NTM: variants seen among roughly 807,000 people sequenced by gnomAD.
The protein encoded by NTM is neurotrimin.
A neutral mutation model predicts 42.1 loss-of-function variants in NTM; 13 were observed. That is an observed-to-expected ratio of 0.31 (90% CI 0.20 to 0.49). The LOEUF (loss-of-function observed/expected upper bound fraction) is 0.49. Ranked by LOEUF, NTM falls within the 20% of genes least tolerant of loss-of-function variation. The probability of loss-of-function intolerance (pLI) is 0.99; values close to 1 mark genes in which losing one functional copy is unlikely to be tolerated. For synonymous variants in NTM, 187 were observed against 179.2 expected (o/e 1.04, Z -0.35); for missense variants, 373 against 452.8 (o/e 0.82, Z 1.60).
intron 1 of NTM, among the ~76,000 whole-genome samples, chr11:131,679,146 C>T (rs897666295): frequency 1.9e-4 from 29 of 152,172 alleles, no homozygotes; most frequent in Admixed American, 6.5e-5. Context: ...GATCTGCTCA[C>T]AGATGGAAGT....
chr11:131,751,682 C>A (rs981694110), intron 1 of NTM, among the ~76,000 whole-genome samples: 1 of 152,026 alleles, frequency 6.6e-6, no homozygotes, highest in Non-Finnish European at 1.5e-5. Context: ...ATCGCTTGAA[C>A]CCGGGAGGCA....
At chr11:132,240,252 T>C (rs772915739) in intron 4 of NTM, among the ~76,000 whole-genome samples, 2 of 152,248 alleles carry the variant, frequency 1.3e-5, no homozygotes, top group African/African-American at 4.8e-5. Flanking sequence ...TACCATTTGG[T>C]GGTGCATTTT....
chr11:132,135,337 A>G (rs1247881642), intron 2 of NTM, among the ~76,000 whole-genome samples: 1 of 152,120 alleles, frequency 6.6e-6, no homozygotes, highest in Non-Finnish European at 1.5e-5. Flanking sequence ...CCTCCCAAAT[A>G]TCTCACACTC....
At chr11:131,698,791 T>C (rs1408720164) in intron 1 of NTM, among the ~76,000 whole-genome samples, 1 of 152,204 alleles carries the variant, frequency 6.6e-6, no homozygotes, top group Non-Finnish European at 1.5e-5. Flanking sequence ...TTCTACTGAT[T>C]TCTTACATTG....
At chr11:131,795,365 C>T (rs1362132119) in intron 1 of NTM, 1 of 982,946 alleles carries the variant, frequency 1.0e-6, no homozygotes, top group East Asian at 1.1e-4. Flanking sequence ...TTGTTATGAG[C>T]TATTTACTTA....
chr11:131,742,755 G>T (rs926132493), intron 1 of NTM, among the ~76,000 whole-genome samples: 1 of 152,166 alleles, frequency 6.6e-6, no homozygotes. Flanking sequence ...AATGCTATGG[G>T]AGAAACAGAA....
intron 4 of NTM, among the ~76,000 whole-genome samples, chr11:132,236,767 C>T (rs1263294151): frequency 6.6e-6 from 1 of 152,216 alleles, no homozygotes; most frequent in African/African-American, 2.4e-5. Flanking sequence ...CACTCTCACC[C>T]GTGGCAGTCT....
intron 1 of NTM, among the ~76,000 whole-genome samples, chr11:131,435,578 T>G (rs764641419): frequency 2.6e-5 from 4 of 152,230 alleles, no homozygotes; most frequent in Non-Finnish European, 5.9e-5. Context: ...CACTCATGAT[T>G]TGGCTCTCTG....
chr11:131,956,070 C>A (rs973913639), intron 2 of NTM, among the ~76,000 whole-genome samples: 2 of 152,182 alleles, frequency 1.3e-5, no homozygotes, highest in Non-Finnish European at 2.9e-5. Flanking sequence ...GTCTGCTACC[C>A]GGTGTCAGGG....
chr11:131,882,858 A>G (rs1031405986), intron 1 of NTM, among the ~76,000 whole-genome samples: 2 of 152,160 alleles, frequency 1.3e-5, no homozygotes, highest in African/African-American at 4.8e-5. Flanking sequence ...GATAAAAGGT[A>G]GGAGTTTCTA....
At chr11:132,317,461 T>TA (rs1379320713) in intron 7 of NTM, among the ~76,000 whole-genome samples, 1 of 152,090 alleles carries the variant, frequency 6.6e-6, no homozygotes, top group African/African-American at 2.4e-5. Flanking sequence ...TATGGAAACA[T>TA]AAAGCATGTC....
intron 1 of NTM, among the ~76,000 whole-genome samples, chr11:131,679,880 G>C (rs916521554): frequency 6.6e-6 from 1 of 152,134 alleles, no homozygotes; most frequent in Non-Finnish European, 1.5e-5. Context: ...TGAGGCATGG[G>C]CTTTCCGATG....
chr11:131,543,430 C>T (rs933208170), intron 1 of NTM, among the ~76,000 whole-genome samples: 2 of 152,194 alleles, frequency 1.3e-5, no homozygotes, highest in African/African-American at 2.4e-5. Context: ...TCCCAAGACC[C>T]ACAGAAGAGC....
intron 3 of NTM, among the ~76,000 whole-genome samples, chr11:132,206,975 A>G (rs1430150013): frequency 6.6e-6 from 1 of 152,186 alleles, no homozygotes. Flanking sequence ...CCTCAAACAG[A>G]TTGTAAGTTC....
At chr11:132,230,134 G>A (rs996892911) in intron 4 of NTM, among the ~76,000 whole-genome samples, 1 of 152,204 alleles carries the variant, frequency 6.6e-6, no homozygotes, top group Non-Finnish European at 1.5e-5. Flanking sequence ...TAAGAGAGAG[G>A]AAGCTGAGCC....
chr11:132,174,423 A>G (rs2076510763), intron 3 of NTM, among the ~76,000 whole-genome samples: 1 of 152,268 alleles, frequency 6.6e-6, no homozygotes, highest in Non-Finnish European at 1.5e-5. Flanking sequence ...TCGTAAATGT[A>G]TCAGCAAGTT....
intron 2 of NTM, among the ~76,000 whole-genome samples, chr11:132,016,820 T>A (rs927721945): frequency 6.6e-6 from 1 of 152,032 alleles, no homozygotes; most frequent in African/African-American, 2.4e-5. Flanking sequence ...CTGTCTTTAT[T>A]TTTTATTATA....
intron 4 of NTM, among the ~76,000 whole-genome samples, chr11:132,302,011 A>C (rs2094882217): frequency 6.6e-6 from 1 of 152,190 alleles, no homozygotes; most frequent in Non-Finnish European, 1.5e-5. Flanking sequence ...CCAATCTATG[A>C]AGTCAGAAAT....
At chr11:132,277,853 C>T (rs2093791392) in intron 4 of NTM, among the ~76,000 whole-genome samples, 1 of 152,148 alleles carries the variant, frequency 6.6e-6, no homozygotes, top group South Asian at 2.1e-4. Context: ...AATCCATCCT[C>T]TGTGCTACTG....
Sources: gnomAD v4.1 joint callset for allele counts (sites outside exome capture counted in the v4.1 genomes callset) on GRCh38, gnomAD v4.1.1 for gene constraint, MANE v1.5 for transcripts, NCBI Gene and HGNC (gene_info 2026-07-23, HGNC 2026-07-21) for gene names.